The following ABLIM2 variants were observed in gnomAD, a reference collection of about 807,000 sequenced individuals.
ABLIM2 encodes the protein actin-binding LIM protein 2.
Under a neutral mutation model 97.7 loss-of-function variants are expected in ABLIM2, and 53 were observed. The ratio of observed to expected loss-of-function variants is 0.54; its 90% CI spans 0.44 to 0.68. The LOEUF (loss-of-function observed/expected upper bound fraction) is 0.68, where lower values mean the gene tolerates loss of function less well. Ranked by LOEUF, ABLIM2 falls within the 30% of genes least tolerant of loss-of-function variation. The pLI, the probability that ABLIM2 is intolerant of heterozygous loss-of-function variation, is 0.00. For missense variants in ABLIM2, 835 were observed against 867.2 expected, an observed-to-expected ratio of 0.96 and a Z score of 0.47; for synonymous variants, 361 against 345.8, an observed-to-expected ratio of 1.04 and a Z score of -0.49.
Position 8,128,985 on chromosome 4 carries a change from G to A in ABLIM2, c.11-22348C>T, listed in dbSNP as rs942854315. Reference sequence around the variant, plus strand: ...TATTCAGAAGCCACCAGTCTATGAGGCTTCGTTGAGCTGCACCGAGACCAC... The same window carrying A: ...TATTCAGAAGCCACCAGTCTATGAGACTTCGTTGAGCTGCACCGAGACCAC... On this transcript the variant is annotated intron_variant, in intron 1 of 20. Transcript: ENST00000447017. This position sits in a 1 kb window ranked among gnomAD's most constrained non-coding sequence, Gnocchi z 4.9. Among the ~76,000 whole-genome samples, 1 of 144,378 alleles carries A rather than the reference G, an allele frequency of 6.9e-6. No homozygotes were observed. Among genetic ancestry groups the A allele is most frequent in the African/African-American group, 2.6e-5 (1 of 38,970 alleles). The allele number at this position is 144,378 out of a possible 152,430, so 94.7% of individuals were successfully genotyped here.
chr4:7,966,878 C>CCCCCCGG lies in ABLIM2; in HGVS notation c.*111_*112insCCGGGGG. The CCCCCCGG allele has an allele frequency of 2.9e-6, 1 of 348,984 alleles. No homozygotes were observed. 21.6% of individuals were successfully genotyped at this position (348,984 alleles called of 1,614,324 possible). ...GCTGGGGGACCCCCTCCCGCCCACC[C>CCCCCCGG]CATGGACACAGAGAAGCCAGAGCAA... is the stretch of plus-strand genomic sequence containing the variant. On this transcript the variant is annotated 3_prime_UTR_variant, in exon 21 of 21. Coordinates refer to ENST00000447017, the MANE Select transcript of ABLIM2 (RefSeq NM_001130083.2).
At chr4:8,153,258 T>C (rs546122635) in intron 1 of ABLIM2, among the ~76,000 whole-genome samples, 75 of 152,274 alleles carry the variant, frequency 4.9e-4, no homozygotes, top group African/African-American at 1.8e-3. Context: ...ACACACACCT[T>C]TTTCTGGGAC....
Position 8,132,172 on chromosome 4 carries a change from C to T in ABLIM2, c.11-25535G>A, listed in dbSNP as rs548823862. Among the ~76,000 whole-genome samples the T allele has an allele frequency of 5.3e-5, 8 of 152,084 alleles. No individual in the cohort carries two copies. Among genetic ancestry groups the T allele is most frequent in the Non-Finnish European group, 1.2e-4 (8 of 68,014 alleles). ...AAAGGAAACAGCGTACATGGTCCCACGAGGCTGCAATCACCCCCCTGCTCA... is the reference window on the plus strand; with the variant it reads ...AAAGGAAACAGCGTACATGGTCCCATGAGGCTGCAATCACCCCCCTGCTCA... On this transcript the variant is annotated intron_variant, in intron 1 of 20. Coordinates refer to ENST00000447017, the MANE Select transcript of ABLIM2 (RefSeq NM_001130083.2). The surrounding 1 kb of genome is among the most constrained non-coding windows in gnomAD (Gnocchi z 8.0).
At chr4:8,080,042 A>C (rs1818788376) in intron 5 of ABLIM2, among the ~76,000 whole-genome samples, 1 of 152,106 alleles carries the variant, frequency 6.6e-6, no homozygotes, top group African/African-American at 2.4e-5. Context: ...ACCGACCCCC[A>C]GCTCCTGGCC....
chr4:8,000,988 T>C (rs1431824647), intron 16 of ABLIM2, among the ~76,000 whole-genome samples: 3 of 152,144 alleles, frequency 2.0e-5, no homozygotes, highest in African/African-American at 7.2e-5. Context: ...GGGTCTGCTT[T>C]GTGGGCACCT....
rs1404704184 is a variant in ABLIM2 at position 8,068,018 on chromosome 4, T to C, written c.676-6964A>G. Reference sequence around the variant, plus strand: ...TCGATGGGCTGATGGAGTCAAAAATTAGAAGTGTCCTCATTCCCTGTGTCA... The same window carrying C: ...TCGATGGGCTGATGGAGTCAAAAATCAGAAGTGTCCTCATTCCCTGTGTCA... On this transcript the variant is annotated intron_variant, in intron 6 of 20. Coordinates refer to ENST00000447017, the MANE Select transcript of ABLIM2 (RefSeq NM_001130083.2). This position sits in a 1 kb window ranked among gnomAD's most constrained non-coding sequence, Gnocchi z 4.5. Among the ~76,000 whole-genome samples, 1 of 152,054 alleles carries C rather than the reference T, an allele frequency of 6.6e-6. No individual in the cohort carries two copies. The highest frequency in any genetic ancestry group is 2.4e-5 in the African/African-American group (1 of 41,394).
Position 8,127,650 on chromosome 4 carries a change from C to A in ABLIM2, c.11-21013G>T. ...GCTGGGCCTGGCACCCACGGAGGAT[C>A]GGGCAGGAGTGGACCGGGGAAGAGC... On this transcript the variant is annotated intron_variant, in intron 1 of 20. Transcript: ENST00000447017. The surrounding 1 kb of genome is among the most constrained non-coding windows in gnomAD (Gnocchi z 7.3). 7.8e-7 allele frequency: 1 copy of A among 1,285,368 alleles called. No homozygotes were observed. Among genetic ancestry groups the A allele is most frequent in the East Asian group, 5.6e-5 (1 of 17,868 alleles). The allele number at this position is 1,285,368 out of a possible 1,614,324, so 79.6% of individuals were successfully genotyped here.
intron 20 of ABLIM2, among the ~76,000 whole-genome samples, chr4:7,974,539 C>A (rs999943898): frequency 2.0e-5 from 3 of 149,278 alleles, no homozygotes; most frequent in African/African-American, 5.0e-5. Context: ...ATTAATCCAC[C>A]CATCAATCCA....
In ABLIM2 at chr4:8,073,423, GTGGCTT is replaced by G. The variant is rs372683408; in HGVS notation, c.675+4199_675+4204del. Among the ~76,000 whole-genome samples the G allele has an allele frequency of 4.3e-3, 652 of 152,042 alleles. 4 individuals are homozygous for G. The Middle Eastern group carries it at 0.048, about 11-fold the overall frequency. On this transcript the variant is annotated intron_variant, in intron 6 of 20. Transcript: ENST00000447017. ...GCTGTTCTTCGCGGAGAACGGAAAC[GTGGCTT>G]TGGACTGCCAGGCAGTGCATCAGGC...
At chr4:8,042,439 A>T (rs370089034) in intron 9 of ABLIM2, among the ~76,000 whole-genome samples, 4 of 152,332 alleles carry the variant, frequency 2.6e-5, no homozygotes, top group Admixed American at 6.5e-5. Flanking sequence ...GCCAAGGAGC[A>T]TCTGAGCAGA....
rs533326527 is a variant in ABLIM2, at chr4:8,082,657, C to A, written c.455-1855G>T. ...TTGGAAAACAGCCAGAGAGCAGATTCAAACTCTGAGGGAAAGGGGGGCCTC... is the reference window on the plus strand; with the variant it reads ...TTGGAAAACAGCCAGAGAGCAGATTAAAACTCTGAGGGAAAGGGGGGCCTC... On this transcript the variant is annotated intron_variant, in intron 4 of 20. Coordinates refer to ENST00000447017, the MANE Select transcript of ABLIM2 (RefSeq NM_001130083.2). The surrounding 1 kb of genome is among the most constrained non-coding windows in gnomAD (Gnocchi z 5.6). Among the ~76,000 whole-genome samples, 2 of 152,334 alleles carry A rather than the reference C, an allele frequency of 1.3e-5. No individual in the cohort carries two copies. The highest frequency in any genetic ancestry group is 3.9e-4 in the East Asian group (2 of 5,190).
intron 3 of ABLIM2, among the ~76,000 whole-genome samples, chr4:8,090,424 A>G (rs1470115503): frequency 6.6e-6 from 1 of 152,224 alleles, no homozygotes; most frequent in East Asian, 1.9e-4. Context: ...CATCCTGCCT[A>G]GGAAGCTCTG....
chr4:8,106,926 T>C (rs899287599), intron 1 of ABLIM2, among the ~76,000 whole-genome samples: 10 of 152,178 alleles, frequency 6.6e-5, no homozygotes, highest in African/African-American at 2.4e-4. Flanking sequence ...GTGCTTCTCA[T>C]CCACATGCAC....
At chr4:8,154,696 T>G (rs1263700693) in intron 1 of ABLIM2, among the ~76,000 whole-genome samples, 2 of 152,224 alleles carry the variant, frequency 1.3e-5, no homozygotes, top group African/African-American at 4.8e-5. Context: ...CCAATTAGAA[T>G]GTAAGTTCAA....
In ABLIM2 at chr4:8,033,616, C is replaced by T. The variant is rs953508169; in HGVS notation, c.1047+2533G>A. On this transcript the variant is annotated intron_variant, in intron 10 of 20. Transcript: ENST00000447017. The surrounding 1 kb of genome is among the most constrained non-coding windows in gnomAD (Gnocchi z 4.5). ...ACACAGGTGCCACTGTTTAGCAGAGCGGGAGGCCAACCCAGGTCTCCCCAG... is the reference window on the plus strand; with the variant it reads ...ACACAGGTGCCACTGTTTAGCAGAGTGGGAGGCCAACCCAGGTCTCCCCAG... Among the ~76,000 whole-genome samples, 2 of 152,196 alleles carry T rather than the reference C, an allele frequency of 1.3e-5. No homozygotes were observed. The highest frequency in any genetic ancestry group is 2.4e-5 in the African/African-American group (1 of 41,460).
rs896287453 is a variant in ABLIM2 at position 8,071,459 on chromosome 4, C to T, written c.675+6169G>A. ...AAAACCCCACTGTCACCACCAAATG[C>T]ACATTTCGCGGGCAGGCGGGCACTG... On this transcript the variant is annotated intron_variant, in intron 6 of 20. Transcript: ENST00000447017. This position sits in a 1 kb window ranked among gnomAD's most constrained non-coding sequence, Gnocchi z 6.2. Among the ~76,000 whole-genome samples, 3 of 152,232 alleles carry T rather than the reference C, an allele frequency of 2.0e-5. No individual in the cohort carries two copies. Among genetic ancestry groups the T allele is most frequent in the African/African-American group, 7.2e-5 (3 of 41,462 alleles).
At chr4:8,135,045 A>C (rs1849986527) in intron 1 of ABLIM2, among the ~76,000 whole-genome samples, 1 of 152,264 alleles carries the variant, frequency 6.6e-6, no homozygotes, top group African/African-American at 2.4e-5. Flanking sequence ...TGCTCAGCCA[A>C]ACCCAGACAT....
chr4:8,020,311 C>A lies in ABLIM2; in HGVS notation c.1268-8G>T. The A allele has an allele frequency of 6.2e-7, 1 of 1,612,206 alleles. No homozygotes were observed. The highest frequency in any genetic ancestry group is 8.5e-7 in the Non-Finnish European group (1 of 1,178,754). ...TCCGGCCACTTTCACTGCCTCCAGA[C>A]GGAAGGGCAAAGGCAGCAGATAGAA... On this transcript the variant is annotated splice_region_variant and splice_polypyrimidine_tract_variant and intron_variant, in intron 12 of 20. Coordinates refer to ENST00000447017, the MANE Select transcript of ABLIM2 (RefSeq NM_001130083.2).
In ABLIM2 at chr4:7,996,743, G is replaced by A. The variant is rs1753588902; in HGVS notation, c.1619-3816C>T. Among the ~76,000 whole-genome samples, 1 of 152,138 alleles carries A rather than the reference G, an allele frequency of 6.6e-6. No individual in the cohort carries two copies. Among genetic ancestry groups the A allele is most frequent in the Non-Finnish European group, 1.5e-5 (1 of 68,046 alleles). On this transcript the variant is annotated intron_variant, in intron 16 of 20. Coordinates refer to ENST00000447017, the MANE Select transcript of ABLIM2 (RefSeq NM_001130083.2). The surrounding 1 kb of genome is among the most constrained non-coding windows in gnomAD (Gnocchi z 4.5). Reference sequence around the variant, plus strand: ...GAGAAGATTCCTTACGGGTAGCTCTGCAGGATATCTCACTGAACACAGGAT... The same window carrying A: ...GAGAAGATTCCTTACGGGTAGCTCTACAGGATATCTCACTGAACACAGGAT...
Sources: gnomAD v4.1 joint callset for allele counts (sites outside exome capture counted in the v4.1 genomes callset) on GRCh38, gnomAD v4.1.1 for gene constraint, Gnocchi (gnomAD v3.1) non-coding constraint, MANE v1.5 for transcripts, NCBI Gene and HGNC (gene_info 2026-07-23, HGNC 2026-07-21) for gene names.